The following SOS1 variants were observed in gnomAD, a reference collection of about 807,000 sequenced individuals.
SOS1 encodes SOS Ras/Rac guanine nucleotide exchange factor 1, also known as son of sevenless homolog 1.
A neutral mutation model predicts 157.6 loss-of-function variants in SOS1; 25 were observed. The ratio of observed to expected loss-of-function variants is 0.16; its 90% CI spans 0.12 to 0.22. The LOEUF (loss-of-function observed/expected upper bound fraction) is 0.22. SOS1 is among the 10% of genes least tolerant of loss of function. SOS1 has a pLI of 1.00. For synonymous variants in SOS1, 528 were observed against 534.0 expected, an observed-to-expected ratio of 0.99 and a Z score of 0.16; for missense variants, 1,237 against 1,599.1, an observed-to-expected ratio of 0.77 and a Z score of 3.86.
At chr2:39,058,852 T>G in intron 2 of SOS1, 48 bp from the exon 3 acceptor site, 1 of 1,442,108 alleles carries the variant, frequency 6.9e-7, no homozygotes, top group Non-Finnish European at 9.6e-7. Flanking sequence ...TATTAAATAG[T>G]GCTCTTCACT....
chr2:39,120,088 C>T (rs1410893020), intron 1 of SOS1, among the ~76,000 whole-genome samples: 1 of 152,204 alleles, frequency 6.6e-6, no homozygotes, highest in African/African-American at 2.4e-5. Context: ...GCAAAGCATT[C>T]ACCTCTCAGG....
chr2:39,019,992 C>T (rs1373806493), intron 10 of SOS1, among the ~76,000 whole-genome samples: 1 of 151,560 alleles, frequency 6.6e-6, no homozygotes, highest in Admixed American at 6.6e-5. Flanking sequence ...ATTATTAACA[C>T]ATATAATTAA....
chr2:39,030,269 G>C (rs1027087874), intron 8 of SOS1, among the ~76,000 whole-genome samples: 1 of 144,786 alleles, frequency 6.9e-6, no homozygotes, highest in Non-Finnish European at 1.5e-5. Context: ...AAGCGAAAGA[G>C]GGGGAAAGAA....
upstream of SOS1, among the ~76,000 whole-genome samples, chr2:39,123,531 T>A (rs766124828): frequency 8.6e-5 from 13 of 151,572 alleles, 1 homozygote; most frequent in Non-Finnish European, 1.8e-4. Context: ...CCAATTTTTG[T>A]ATTTTTAGTA....
In SOS1 at chr2:38,986,085, G is replaced by C. The variant is rs1668549002; in HGVS notation, c.3741C>G (p.Ala1247=). The part of the protein sequence containing the change: ...PLGKKSDHGN[A]FFPNSPSPFT... ...AGGGGGAAGGGCTGTTTGGGAAGAA[G>C]GCATTGCCATGGTCACTTTTTTTGC... Residue 1247 remains alanine (A), a synonymous_variant, in exon 23 of 23, where the codon GCC becomes GCG. Transcript: ENST00000402219. 6.2e-7 allele frequency: 1 copy of C among 1,613,898 alleles called. No homozygotes were observed. Among genetic ancestry groups the C allele is most frequent in the Non-Finnish European group, 8.5e-7 (1 of 1,179,920 alleles).
At chr2:39,006,917 C>T in intron 16 of SOS1, 114 bp downstream of exon 16, 4 of 765,878 alleles carry the variant, frequency 5.2e-6, no homozygotes, top group Non-Finnish European at 9.0e-6. Context: ...GTCTTTTAAT[C>T]TACTACTGAA....
chr2:39,101,949 T>C (rs1400617530), intron 1 of SOS1, among the ~76,000 whole-genome samples: 1 of 152,056 alleles, frequency 6.6e-6, no homozygotes, highest in African/African-American at 2.4e-5. Flanking sequence ...GGCTCATGCC[T>C]GTAATCCCAG....
chr2:39,063,195 T>C (rs778680235), intron 2 of SOS1, among the ~76,000 whole-genome samples: 40 of 152,242 alleles, frequency 2.6e-4, no homozygotes, highest in Middle Eastern at 6.8e-3. Context: ...TGATCATAGC[T>C]TCCTGCAGCC....
At chr2:39,046,701 C>G (rs2124587705) in intron 6 of SOS1, among the ~76,000 whole-genome samples, 1 of 152,196 alleles carries the variant, frequency 6.6e-6, no homozygotes, top group East Asian at 1.9e-4. Flanking sequence ...TGGGGTTTCA[C>G]CATATTGCCC....
rs1188274382 is a variant in SOS1 at position 38,981,826 on chromosome 2, C to A, written c.*3998G>T. On this transcript the variant is annotated 3_prime_UTR_variant, in exon 23 of 23. Coordinates refer to ENST00000402219, the MANE Select transcript of SOS1 (RefSeq NM_005633.4). ...ACAAAGGCAAATACACATATATACA[C>A]AAACACGTCTCAACTAAAATTATAC... 6.6e-6 allele frequency: 1 copy of A among 152,144 alleles called. No homozygotes were observed. 9.4% of individuals were successfully genotyped at this position (152,144 alleles called of 1,614,324 possible). A position where few individuals can be genotyped will look rare whatever the true frequency, so the allele number is the denominator to read the frequency against.
At chr2:39,030,857 A>T (rs1433365521) in intron 8 of SOS1, among the ~76,000 whole-genome samples, 1 of 152,064 alleles carries the variant, frequency 6.6e-6, no homozygotes. Context: ...GTGTCTTTGT[A>T]AGAGAAAGGA....
chr2:39,101,099 T>C lies in SOS1; in HGVS notation c.87+19237A>G, dbSNP rs557731172. On this transcript the variant is annotated intron_variant, in intron 1 of 22. Coordinates refer to ENST00000402219, the MANE Select transcript of SOS1 (RefSeq NM_005633.4). ...CTGTACAAGAAGCGTGCCGCTAGCATCTGCTTCTGGTAAGGACCTCAGGAG... is the reference window on the plus strand; with the variant it reads ...CTGTACAAGAAGCGTGCCGCTAGCACCTGCTTCTGGTAAGGACCTCAGGAG... Among the ~76,000 whole-genome samples, 16 of 152,328 alleles carry C rather than the reference T, an allele frequency of 1.1e-4. No homozygotes were observed. The South Asian group carries it at 3.1e-3, about 30-fold the overall frequency.
intron 1 of SOS1, among the ~76,000 whole-genome samples, chr2:39,071,558 T>C (rs1258454318): frequency 6.6e-6 from 1 of 152,194 alleles, no homozygotes; most frequent in Non-Finnish European, 1.5e-5. Flanking sequence ...TCTCAAATGT[T>C]AGAGAAGATA....
In SOS1 at chr2:39,046,495, C is replaced by CTTTTTTTTTTTTTTTTTTTTT. The variant is rs201639147; in HGVS notation, c.864+4628_864+4648dup. On this transcript the variant is annotated intron_variant, in intron 6 of 22. Coordinates refer to ENST00000402219, the MANE Select transcript of SOS1 (RefSeq NM_005633.4). ...TTATTTATTTATTTTGAGACAGTGT[C>CTTTTTTTTTTTTTTTTTTTTT]TTTTTTTTTTTTTTTTTTTTTTTTT... 2.4e-5 allele frequency among the ~76,000 whole-genome samples: 3 copies of CTTTTTTTTTTTTTTTTTTTTT among 124,380 alleles called. 1 individual carries two copies. The highest frequency in any genetic ancestry group is 7.8e-5 in the Admixed American group (1 of 12,868). 81.6% of individuals were successfully genotyped at this position (124,380 alleles called of 152,430 possible).
In SOS1 at chr2:39,007,146, C is replaced by G; in HGVS notation, c.2558G>C (p.Ser853Thr). ...ENLEERVAVVSRIIEILQVFQ... is the reference protein window; with the variant it reads ...ENLEERVAVVTRIIEILQVFQ... ...GACTTGTAGAATCTCAATAATTCGA[C>G]TCACCACAGCTACTCTTTCTTCTAA... The change falls in exon 16 of 23, where the codon AGT (serine) becomes ACT (threonine). Residue 853 changes from serine to threonine, a missense_variant. By Grantham distance (58) the Ser-to-Thr change is moderately conservative (BLOSUM62 1). This residue lies in a region of SOS1 where 105 missense variants were observed against 236.0 expected (regional missense o/e 0.44). Transcript: ENST00000402219. 1 of 1,605,786 alleles carries G rather than the reference C, an allele frequency of 6.2e-7. No individual in the cohort carries two copies. The highest frequency in any genetic ancestry group is 8.5e-7 in the Non-Finnish European group (1 of 1,172,588).
intron 21 of SOS1, 69 bp from the exon 22 acceptor site, chr2:38,987,660 C>G (rs1218340267): frequency 2.5e-6 from 2 of 808,826 alleles, no homozygotes; most frequent in Non-Finnish European, 4.3e-6. Context: ...CTTGAAAAGT[C>G]TTAGCTGGAA....
chr2:38,994,647 CA>C (rs1668836069), intron 20 of SOS1, among the ~76,000 whole-genome samples: 1 of 152,138 alleles, frequency 6.6e-6, no homozygotes. Context: ...TCAAAACTTC[CA>C]ATGAGCATTT....
In SOS1 at chr2:38,984,533, A is replaced by G. The variant is rs534748097; in HGVS notation, c.*1291T>C. ...GTTCTGCTTAAAAGATACCCATCCT[A>G]TTCTAACCAAGTATCTTCCTATATG... On this transcript the variant is annotated 3_prime_UTR_variant, in exon 23 of 23. Coordinates refer to ENST00000402219, the MANE Select transcript of SOS1 (RefSeq NM_005633.4). 3 of 152,304 alleles carry G rather than the reference A, an allele frequency of 2.0e-5. No individual in the cohort carries two copies. The highest frequency in any genetic ancestry group is 4.8e-5 in the African/African-American group (2 of 41,570). 9.4% of individuals were successfully genotyped at this position (152,304 alleles called of 1,614,324 possible). A position where few individuals can be genotyped will look rare whatever the true frequency, so the allele number is the denominator to read the frequency against.
At chr2:39,115,406 C>CTTTTTTTTTT (rs550526461) in intron 1 of SOS1, among the ~76,000 whole-genome samples, 1 of 64,046 alleles carries the variant, frequency 1.6e-5, no homozygotes, top group Non-Finnish European at 2.9e-5. Flanking sequence ...TGTTCTCTCT[C>CTTTTTTTTTT]TTTTTTTTTT....
Sources: allele counts gnomAD v4.1 joint callset (sites outside exome capture counted in the v4.1 genomes callset), GRCh38; gene constraint gnomAD v4.1.1; regional missense constraint gnomAD v4.1.1; transcripts MANE v1.5; gene names NCBI Gene and HGNC (gene_info 2026-07-23, HGNC 2026-07-21).